The following RBFOX1 variants were observed in gnomAD, a reference collection of about 807,000 sequenced individuals.
RBFOX1 encodes RNA binding protein fox-1 homolog 1.
RBFOX1 carries 8 observed loss-of-function variants against 57.7 expected under a neutral mutation model. The observed-to-expected ratio is 0.14, with a 90% CI of 0.08 to 0.25. The LOEUF is 0.25. RBFOX1 is among the 10% of genes least tolerant of loss of function. The pLI is 1.00. For synonymous variants in RBFOX1, 326 were observed against 222.4 expected, an observed-to-expected ratio of 1.47 and a Z score of -4.15; for missense variants, 611 against 548.5, an observed-to-expected ratio of 1.11 and a Z score of -1.14.
At chr16:6,504,070 T>C (rs2096019130) in intron 2 of RBFOX1, among the ~76,000 whole-genome samples, 1 of 152,194 alleles carries the variant, frequency 6.6e-6, no homozygotes, top group East Asian at 1.9e-4. Flanking sequence ...TAATTTTGCT[T>C]TTTGGTTCTT....
intron 4 of RBFOX1, among the ~76,000 whole-genome samples, chr16:7,182,344 G>C (rs756463208): frequency 2.8e-4 from 43 of 152,206 alleles, no homozygotes; most frequent in Non-Finnish European, 5.1e-4. Flanking sequence ...AAAGTAAAAA[G>C]CATCTTCCAT....
chr16:6,959,805 C>T (rs556816012), intron 3 of RBFOX1, among the ~76,000 whole-genome samples: 1 of 152,232 alleles, frequency 6.6e-6, no homozygotes, highest in African/African-American at 2.4e-5. Context: ...GGTGTGTTGG[C>T]AGGCACCTGT....
chr16:5,468,381 C>T (rs1567132099), intron 2 of RBFOX1, among the ~76,000 whole-genome samples: 1 of 152,108 alleles, frequency 6.6e-6, no homozygotes, highest in Non-Finnish European at 1.5e-5. Flanking sequence ...TGACAGACAC[C>T]AGTCTGCATT....
chr16:6,367,231 C>T (rs375812061), intron 2 of RBFOX1, among the ~76,000 whole-genome samples: 13 of 148,852 alleles, frequency 8.7e-5, no homozygotes, highest in East Asian at 4.0e-4. Context: ...GTAGGTTTAG[C>T]CCTTCTTGGA....
At chr16:6,605,836 A>G (rs1302709655) in intron 2 of RBFOX1, among the ~76,000 whole-genome samples, 1 of 152,122 alleles carries the variant, frequency 6.6e-6, no homozygotes, top group Non-Finnish European at 1.5e-5. Flanking sequence ...ACAGTGGCTC[A>G]CTCCTGTAAT....
At chr16:6,456,603 A>G (rs899492694) in intron 2 of RBFOX1, among the ~76,000 whole-genome samples, 13 of 152,322 alleles carry the variant, frequency 8.5e-5, no homozygotes, top group Admixed American at 8.5e-4. Flanking sequence ...ATTTAGAAAG[A>G]TAACTCTCCC....
intron 9 of RBFOX1, among the ~76,000 whole-genome samples, chr16:7,601,278 A>G (rs1484490654): frequency 6.6e-6 from 1 of 152,196 alleles, no homozygotes; most frequent in Non-Finnish European, 1.5e-5. Context: ...AACTGTACAA[A>G]TGATGGGAAC....
intron 4 of RBFOX1, among the ~76,000 whole-genome samples, chr16:7,437,854 G>GAA (rs1469546973): frequency 1.3e-5 from 2 of 150,252 alleles, no homozygotes; most frequent in Non-Finnish European, 3.0e-5. Context: ...CAGTCCATTG[G>GAA]AAGCAAAGTC....
At chr16:6,267,776 C>A (rs543523199) in intron 1 of RBFOX1, among the ~76,000 whole-genome samples, 7 of 152,010 alleles carry the variant, frequency 4.6e-5, no homozygotes, top group African/African-American at 1.7e-4. Context: ...AGTATGATAA[C>A]CAGGTGTGTG....
intron 3 of RBFOX1, among the ~76,000 whole-genome samples, chr16:5,649,465 G>A (rs2049161498): frequency 2.0e-5 from 3 of 152,066 alleles, no homozygotes; most frequent in African/African-American, 4.8e-5. Flanking sequence ...CCACCATGCC[G>A]GGTCAGAAAT....
At chr16:6,591,972 C>T (rs2097717331) in intron 2 of RBFOX1, among the ~76,000 whole-genome samples, 1 of 152,174 alleles carries the variant, frequency 6.6e-6, no homozygotes, top group South Asian at 2.1e-4. Context: ...TGGGTGTCTA[C>T]TGTGGGCTGT....
chr16:7,242,963 C>G (rs1157118044), intron 4 of RBFOX1, among the ~76,000 whole-genome samples: 1 of 152,124 alleles, frequency 6.6e-6, no homozygotes, highest in Non-Finnish European at 1.5e-5. Context: ...TATCTTCTTC[C>G]TTCATTTGTT....
chr16:6,296,859 C>G (rs932838560), intron 1 of RBFOX1, among the ~76,000 whole-genome samples: 1 of 152,128 alleles, frequency 6.6e-6, no homozygotes, highest in Non-Finnish European at 1.5e-5. Flanking sequence ...GTTCTTGGAT[C>G]TTGTGCAAGA....
At chr16:6,826,558 G>A (rs986198110) in intron 3 of RBFOX1, among the ~76,000 whole-genome samples, 8 of 152,078 alleles carry the variant, frequency 5.3e-5, no homozygotes, top group Middle Eastern at 3.2e-3. Flanking sequence ...ACGTGCTTGC[G>A]GGCATGCGTG....
At chr16:7,304,126 C>G (rs1275388407) in intron 4 of RBFOX1, 2 of 836,884 alleles carry the variant, frequency 2.4e-6, no homozygotes, top group Non-Finnish European at 2.9e-6. Flanking sequence ...TAGCACATCC[C>G]CAGGCGGGGA....
At chr16:6,239,476 C>T (rs987821969) in intron 1 of RBFOX1, among the ~76,000 whole-genome samples, 3 of 143,356 alleles carry the variant, frequency 2.1e-5, no homozygotes, top group South Asian at 2.2e-4. Flanking sequence ...TATTCTTCTC[C>T]AACTGACTCT....
chr16:6,644,447 T>C (rs1216134361), intron 2 of RBFOX1, among the ~76,000 whole-genome samples: 1 of 152,224 alleles, frequency 6.6e-6, no homozygotes, highest in African/African-American at 2.4e-5. Context: ...TCCTCAGCAG[T>C]AATCAATTTC....
At chr16:7,227,217 C>G (rs1351640185) in intron 4 of RBFOX1, among the ~76,000 whole-genome samples, 1 of 151,762 alleles carries the variant, frequency 6.6e-6, no homozygotes, top group Non-Finnish European at 1.5e-5. Flanking sequence ...TTAACTGTTG[C>G]AAAACATGCC....
At chr16:5,534,835 A>G (rs150629323) in intron 2 of RBFOX1, among the ~76,000 whole-genome samples, 1 of 152,356 alleles carries the variant, frequency 6.6e-6, no homozygotes, top group East Asian at 1.9e-4. Flanking sequence ...GACACCTAAC[A>G]TCAACTATCA....
Sources: allele counts gnomAD v4.1 joint callset (sites outside exome capture counted in the v4.1 genomes callset), GRCh38; gene constraint gnomAD v4.1.1; transcripts MANE v1.5; gene names NCBI Gene and HGNC (gene_info 2026-07-23, HGNC 2026-07-21).